The following ZNF385D variants were observed in gnomAD, a reference collection of about 807,000 sequenced individuals.
ZNF385D encodes zinc finger protein 659.
A neutral mutation model predicts 35.8 loss-of-function variants in ZNF385D; 15 were observed. That is an observed-to-expected ratio of 0.42 (90% CI 0.28 to 0.64). ZNF385D has a LOEUF of 0.64. Ranked by LOEUF, ZNF385D falls within the 30% of genes least tolerant of loss-of-function variation. The probability of loss-of-function intolerance (pLI) is 0.23; values close to 1 mark genes in which losing one functional copy is unlikely to be tolerated. For synonymous variants in ZNF385D, 212 were observed against 186.8 expected, an observed-to-expected ratio of 1.13 and a Z score of -1.10; for missense variants, 474 against 494.6, an observed-to-expected ratio of 0.96 and a Z score of 0.39.
intron 3 of ZNF385D, among the ~76,000 whole-genome samples, chr3:21,790,701 G>T (rs866076325): frequency 1.3e-5 from 2 of 152,152 alleles, no homozygotes; most frequent in African/African-American, 4.8e-5. Context: ...TTTCTGCAGA[G>T]GCACAAGTTG....
At chr3:21,908,504 C>A (rs937490877) in intron 3 of ZNF385D, among the ~76,000 whole-genome samples, 1 of 152,048 alleles carries the variant, frequency 6.6e-6, no homozygotes, top group South Asian at 2.1e-4. Context: ...GAGGGGGAGG[C>A]AGATTGGAAA....
At chr3:21,551,405 C>G (rs370562041) in intron 3 of ZNF385D, among the ~76,000 whole-genome samples, 15 of 152,196 alleles carry the variant, frequency 9.9e-5, no homozygotes, top group Admixed American at 2.6e-4. Context: ...GAGTATGTCT[C>G]TTCTACCTCT....
chr3:22,256,206 T>C (rs1700307845), intron 2 of ZNF385D, among the ~76,000 whole-genome samples: 1 of 139,010 alleles, frequency 7.2e-6, no homozygotes, highest in African/African-American at 2.9e-5. Context: ...CACATACATA[T>C]ATACATATAT....
chr3:21,967,391 G>C (rs647468), intron 3 of ZNF385D, among the ~76,000 whole-genome samples: 1 of 151,998 alleles, frequency 6.6e-6, no homozygotes, highest in Non-Finnish European at 1.5e-5. Flanking sequence ...AAATTCAAGC[G>C]TGGAACTTCT....
At position 21,795,365 on chromosome 3, in the gene ZNF385D, G is replaced by A. The variant is rs115466118; in HGVS notation, c.326-130337C>T. Among the ~76,000 whole-genome samples, 402 of 152,328 alleles carry A rather than the reference G, an allele frequency of 2.6e-3. 2 individuals are homozygous for A. Among genetic ancestry groups the A allele is most frequent in the African/African-American group, 9.3e-3 (388 of 41,566 alleles). On this transcript the variant is annotated intron_variant, in intron 3 of 5. Coordinates refer to the ZNF385D transcript ENST00000494108. ...TATGGACTCACCCCAGTAACAGATG[G>A]TTTTATTAGTGGCCACTGCCAGACA...
At chr3:22,257,235 T>A (rs1700363051) in intron 2 of ZNF385D, among the ~76,000 whole-genome samples, 1 of 151,830 alleles carries the variant, frequency 6.6e-6, no homozygotes, top group Non-Finnish European at 1.5e-5. Flanking sequence ...TTAGACTGTA[T>A]CACACCCAAG....
intron 3 of ZNF385D, among the ~76,000 whole-genome samples, chr3:21,933,479 G>A (rs772919291): frequency 2.6e-5 from 4 of 152,144 alleles, no homozygotes; most frequent in Non-Finnish European, 5.9e-5. Context: ...GTCCCCATTT[G>A]TGAAAAAGGC....
chr3:21,767,928 T>C (rs1449863971), intron 3 of ZNF385D, among the ~76,000 whole-genome samples: 1 of 152,110 alleles, frequency 6.6e-6, no homozygotes, highest in Non-Finnish European at 1.5e-5. Context: ...GTATCCTTTA[T>C]CATAAATTCT....
intron 3 of ZNF385D, among the ~76,000 whole-genome samples, chr3:21,956,582 C>G (rs1702301657): frequency 6.6e-6 from 1 of 151,890 alleles, no homozygotes; most frequent in African/African-American, 2.4e-5. Flanking sequence ...AACAGAGTGA[C>G]ATATTTAAAA....
intron 3 of ZNF385D, among the ~76,000 whole-genome samples, chr3:22,164,127 C>T (rs1305792747): frequency 6.7e-6 from 1 of 149,616 alleles, no homozygotes; most frequent in African/African-American, 2.5e-5. Context: ...CACTAATTCG[C>T]TTGTGAAATT....
chr3:21,917,929 G>A (rs12487653), intron 3 of ZNF385D, among the ~76,000 whole-genome samples: 81,391 of 152,010 alleles, frequency 0.54, 23,843 homozygotes, highest in South Asian at 0.66. Context: ...AGTATACTTC[G>A]TAAGTGTAGA....
intron 3 of ZNF385D, among the ~76,000 whole-genome samples, chr3:21,518,949 GATTAC>G (rs769349965): frequency 6.6e-6 from 1 of 152,080 alleles, no homozygotes; most frequent in Non-Finnish European, 1.5e-5. Flanking sequence ...GTAAATAGAA[GATTAC>G]ATTATGAATA....
intron 3 of ZNF385D, among the ~76,000 whole-genome samples, chr3:21,536,935 G>A (rs1408118167): frequency 2.0e-5 from 3 of 151,838 alleles, no homozygotes; most frequent in African/African-American, 7.3e-5. Flanking sequence ...GAAAGAGTGA[G>A]CCTGGTGCAC....
At chr3:22,357,402 C>T (rs944016769) in intron 2 of ZNF385D, among the ~76,000 whole-genome samples, 3 of 151,802 alleles carry the variant, frequency 2.0e-5, no homozygotes, top group Non-Finnish European at 4.4e-5. Context: ...AATACTTTTA[C>T]AGTCTTAGGA....
intron 2 of ZNF385D, among the ~76,000 whole-genome samples, chr3:21,608,485 A>G (rs1357243587): frequency 6.6e-6 from 1 of 152,204 alleles, no homozygotes; most frequent in African/African-American, 2.4e-5. Flanking sequence ...AAACCTTTGC[A>G]TCAGTATAAT....
intron 3 of ZNF385D, among the ~76,000 whole-genome samples, chr3:21,917,562 G>T (rs966082634): frequency 1.3e-5 from 2 of 152,190 alleles, no homozygotes; most frequent in Non-Finnish European, 2.9e-5. Flanking sequence ...GACATGAAAA[G>T]ATTGTTCTTT....
At chr3:22,182,289 C>G (rs888883966) in intron 2 of ZNF385D, among the ~76,000 whole-genome samples, 1 of 150,082 alleles carries the variant, frequency 6.7e-6, no homozygotes, top group Admixed American at 6.6e-5. Flanking sequence ...TGTCTTAAAA[C>G]AAATTACCAC....
chr3:21,457,686 A>C (rs549053605), intron 4 of ZNF385D, among the ~76,000 whole-genome samples: 4 of 152,268 alleles, frequency 2.6e-5, no homozygotes, highest in Admixed American at 2.0e-4. Context: ...AATTTATTAC[A>C]TGATTTCCAA....
chr3:21,498,426 C>A (rs1018262309), intron 4 of ZNF385D, among the ~76,000 whole-genome samples: 10 of 152,022 alleles, frequency 6.6e-5, no homozygotes, highest in Non-Finnish European at 2.9e-5. Flanking sequence ...AAACAGACAA[C>A]CTACAGAATG....
Sources: allele counts gnomAD v4.1 joint callset (sites outside exome capture counted in the v4.1 genomes callset), GRCh38; gene constraint gnomAD v4.1.1; transcripts MANE v1.5; gene names NCBI Gene and HGNC (gene_info 2026-07-23, HGNC 2026-07-21).